Variants in DCAKD observed in about 807,000 individuals in gnomAD.
DCAKD encodes the protein dephospho-CoA kinase domain containing.
Under a neutral mutation model 18.7 loss-of-function variants are expected in DCAKD, and 15 were observed. That is an observed-to-expected ratio of 0.80 (90% CI 0.54 to 1.24). DCAKD has a LOEUF of 1.24. Among genes scored for constraint, DCAKD ranks in the 50% most tolerant of loss-of-function variants. The pLI, the probability that DCAKD is intolerant of heterozygous loss-of-function variation, is 0.00. For synonymous variants in DCAKD, 130 were observed against 133.0 expected, an observed-to-expected ratio of 0.98 and a Z score of 0.16; for missense variants, 301 against 322.0, an observed-to-expected ratio of 0.93 and a Z score of 0.50.
chr17:45,026,279 G>T (rs149576771), intron 4 of DCAKD, among the ~76,000 whole-genome samples: 6,388 of 142,592 alleles, frequency 0.045, 461 homozygotes, highest in African/African-American at 0.16. Context: ...CTAGGCTGGA[G>T]CGCAGTGGTG....
rs377356588 is a variant in DCAKD at position 45,034,186 on chromosome 17, C to A, written c.316+1G>T. The A allele has an allele frequency of 3.1e-6, 5 of 1,608,524 alleles. No individual in the cohort carries two copies. The African/African-American group carries it at 4.0e-5, about 13-fold the overall frequency. ...CCCCCGCCCCAGGCCCTGGCACTTA[C>A]CCCGGAGGAAGTACTTGAACGTCTC... On this transcript the variant is annotated splice_donor_variant, in intron 3 of 4. Coordinates refer to ENST00000651974, the MANE Select transcript of DCAKD (RefSeq NM_001288655.2). LOFTEE classifies it high-confidence loss of function.
intron 3 of DCAKD, chr17:45,033,769 G>A (rs925256457): frequency 2.4e-6 from 2 of 835,930 alleles, no homozygotes; most frequent in Non-Finnish European, 3.1e-6. Context: ...CCAGCCTCAT[G>A]TTGGATTATT....
At chr17:45,026,107 C>T (rs1158502799) in intron 4 of DCAKD, among the ~76,000 whole-genome samples, 9 of 151,502 alleles carry the variant, frequency 5.9e-5, no homozygotes, top group African/African-American at 9.7e-5. Flanking sequence ...TTAGTAGAGA[C>T]GGGATTTCAC....
chr17:45,042,909 GTC>G (rs1265072511), intron 1 of DCAKD, among the ~76,000 whole-genome samples: 1 of 152,156 alleles, frequency 6.6e-6, no homozygotes, highest in Admixed American at 6.5e-5. Flanking sequence ...GAGGGGACAG[GTC>G]TCTCTTCTCT....
intron 4 of DCAKD, among the ~76,000 whole-genome samples, chr17:45,027,990 TAA>T (rs573749050): frequency 3.4e-4 from 39 of 115,300 alleles, no homozygotes; most frequent in Admixed American, 4.5e-4. Context: ...CATCTCAATT[TAA>T]AAAAAAAAAA....
chr17:45,041,098 C>T (rs1294189355), intron 1 of DCAKD, among the ~76,000 whole-genome samples: 1 of 152,106 alleles, frequency 6.6e-6, no homozygotes, highest in Non-Finnish European at 1.5e-5. Context: ...CTGACCCCCT[C>T]GTCCCGGCCT....
rs763748599 is a variant in DCAKD, at chr17:45,034,937, T to A, written c.-52A>T. 1.6e-5 allele frequency: 25 copies of A among 1,594,378 alleles called. No homozygotes were observed. The highest frequency in any genetic ancestry group is 1.8e-5 in the Non-Finnish European group (21 of 1,165,632). On this transcript the variant is annotated 5_prime_UTR_variant, in exon 2 of 5. Coordinates refer to ENST00000651974, the MANE Select transcript of DCAKD (RefSeq NM_001288655.2). ...GACTACGGAGCCAGGAGCTACAGAA[T>A]CACTGGAGAGCAGGGCAAGTGTGGC...
At chr17:45,039,522 G>C (rs1454649155) in intron 1 of DCAKD, among the ~76,000 whole-genome samples, 1 of 152,242 alleles carries the variant, frequency 6.6e-6, no homozygotes, top group African/African-American at 2.4e-5. Flanking sequence ...AAAATGAAAG[G>C]CTGTGGACTG....
intron 1 of DCAKD, among the ~76,000 whole-genome samples, chr17:45,057,463 G>A (rs112604052): frequency 0.14 from 21,155 of 151,976 alleles, 1,879 homozygotes; most frequent in Non-Finnish European, 0.2. Flanking sequence ...AGCACTTTGG[G>A]AGGCCGAGGC....
At chr17:45,041,256 T>C (rs1031353191) in intron 1 of DCAKD, among the ~76,000 whole-genome samples, 8 of 151,856 alleles carry the variant, frequency 5.3e-5, no homozygotes, top group African/African-American at 1.9e-4. Flanking sequence ...AGTCACTCCC[T>C]GTCCACGATG....
chr17:45,038,293 G>A (rs2053351209), intron 1 of DCAKD, among the ~76,000 whole-genome samples: 1 of 152,138 alleles, frequency 6.6e-6, no homozygotes, highest in Admixed American at 6.5e-5. Context: ...TGGCCAGGCT[G>A]GCTCAAACTC....
At chr17:45,052,565 G>T (rs578254780), upstream of DCAKD, among the ~76,000 whole-genome samples, 21 of 152,080 alleles carry the variant, frequency 1.4e-4, no homozygotes, top group African/African-American at 5.1e-4. Context: ...GCCGTGCAGC[G>T]TTGTTGAAAG....
intron 1 of DCAKD, among the ~76,000 whole-genome samples, chr17:45,040,405 A>T (rs1462358196): frequency 4.6e-5 from 7 of 151,582 alleles, no homozygotes; most frequent in African/African-American, 7.3e-5. Context: ...AAAAAAAAAA[A>T]AAGCTCCCCT....
At chr17:45,036,660 GAA>G (rs538393645) in intron 1 of DCAKD, among the ~76,000 whole-genome samples, 1 of 144,980 alleles carries the variant, frequency 6.9e-6, no homozygotes, top group Non-Finnish European at 1.5e-5. Flanking sequence ...GCATAGAAAG[GAA>G]AAAAAAAAAG....
intron 1 of DCAKD, among the ~76,000 whole-genome samples, chr17:45,060,678 C>T (rs897961582): frequency 1.3e-5 from 2 of 152,332 alleles, no homozygotes; most frequent in African/African-American, 4.8e-5. Flanking sequence ...AGTGTGGTCT[C>T]CTGGCTTAGG....
At chr17:45,054,877 G>C (rs113017826), upstream of DCAKD, among the ~76,000 whole-genome samples, 254 of 152,212 alleles carry the variant, frequency 1.7e-3, 1 homozygote, top group African/African-American at 5.8e-3. Context: ...TTAGGAAACC[G>C]TCCAGATGAC....
upstream of DCAKD, among the ~76,000 whole-genome samples, chr17:45,053,448 T>C (rs2053748393): frequency 1.4e-5 from 2 of 145,926 alleles, no homozygotes; most frequent in African/African-American, 5.1e-5. Flanking sequence ...TGAGATGGAG[T>C]TTTGCTCTTG....
At chr17:45,046,079 G>A (rs1028032615) in intron 1 of DCAKD, among the ~76,000 whole-genome samples, 11 of 126,810 alleles carry the variant, frequency 8.7e-5, no homozygotes, top group African/African-American at 2.2e-4. Context: ...CGCTTGCCTC[G>A]GCCTCCCACA....
intron 4 of DCAKD, among the ~76,000 whole-genome samples, chr17:45,025,007 CTCT>C (rs1205169144): frequency 0.026 from 3,092 of 118,886 alleles, 99 homozygotes; most frequent in African/African-American, 0.091. Context: ...TTGGCCACAG[CTCT>C]TTTTTTTTTT....
Sources: allele counts gnomAD v4.1 joint callset (sites outside exome capture counted in the v4.1 genomes callset), GRCh38; gene constraint gnomAD v4.1.1; transcripts MANE v1.5; gene names NCBI Gene and HGNC (gene_info 2026-07-23, HGNC 2026-07-21).